SMIM14: variants seen among roughly 807,000 people sequenced by gnomAD.
SMIM14 encodes the protein small integral membrane protein 14, also known as chromosome 4 open reading frame 34.
A neutral mutation model predicts 12.6 loss-of-function variants in SMIM14; 5 were observed. The observed-to-expected ratio is 0.40, with a 90% confidence interval of 0.21 to 0.83. SMIM14 has a LOEUF of 0.83. SMIM14 is among the 40% of genes least tolerant of loss of function. The pLI is 0.37. For synonymous variants in SMIM14, 30 were observed against 40.1 expected (o/e 0.75, Z 0.95); for missense variants, 86 against 119.1 (o/e 0.72, Z 1.29).
intron 1 of SMIM14, among the ~76,000 whole-genome samples, chr4:39,618,319 T>C (rs1560306300): frequency 6.6e-6 from 1 of 152,068 alleles, no homozygotes; most frequent in Non-Finnish European, 1.5e-5. Flanking sequence ...GGAAAAACGA[T>C]GAGCAAGATG....
At chr4:39,636,173 CAAA>C (rs749292775) in intron 1 of SMIM14, among the ~76,000 whole-genome samples, 18,307 of 75,732 alleles carry the variant, frequency 0.24, 2,014 homozygotes, top group East Asian at 0.39. Flanking sequence ...CTCCATCTCC[CAAA>C]AAAAAAAAAA....
intron 2 of SMIM14, among the ~76,000 whole-genome samples, chr4:39,591,008 A>G (rs751715520): frequency 6.6e-6 from 1 of 152,060 alleles, no homozygotes; most frequent in Non-Finnish European, 1.5e-5. Context: ...TGGTATCTGC[A>G]GGGGCTTGGT....
chr4:39,603,846 A>G (rs546034110), intron 2 of SMIM14, among the ~76,000 whole-genome samples: 2 of 151,814 alleles, frequency 1.3e-5, no homozygotes, highest in African/African-American at 4.8e-5. Context: ...CCCCGTCTCT[A>G]CTAAAAATAC....
intron 2 of SMIM14, among the ~76,000 whole-genome samples, chr4:39,603,531 C>T (rs1714693515): frequency 6.6e-6 from 1 of 152,036 alleles, no homozygotes; most frequent in South Asian, 2.1e-4. Context: ...TGCACTCCAG[C>T]CTGGGTGACA....
intron 2 of SMIM14, among the ~76,000 whole-genome samples, chr4:39,573,735 C>A (rs1373368964): frequency 6.6e-6 from 1 of 151,982 alleles, no homozygotes; most frequent in Non-Finnish European, 1.5e-5. Context: ...GTAGAAAATG[C>A]ATCTTTGAAA....
intron 1 of SMIM14, among the ~76,000 whole-genome samples, chr4:39,618,306 A>G (rs1389234013): frequency 2.0e-5 from 3 of 152,188 alleles, no homozygotes; most frequent in Non-Finnish European, 4.4e-5. Context: ...TGTAACAGGC[A>G]TGGGAAAAAC....
At chr4:39,574,240 T>C (rs976483460) in intron 2 of SMIM14, among the ~76,000 whole-genome samples, 8 of 142,652 alleles carry the variant, frequency 5.6e-5, no homozygotes, top group Admixed American at 3.4e-4. Flanking sequence ...CAACTTTCTT[T>C]TTTTTTTTTT....
At chr4:39,619,742 AAATAT>A (rs1227743266) in intron 1 of SMIM14, among the ~76,000 whole-genome samples, 5 of 96,786 alleles carry the variant, frequency 5.2e-5, no homozygotes, top group Non-Finnish European at 1.1e-4. Context: ...ATATATCAAT[AAATAT>A]AATTTATTAT....
At chr4:39,606,416 G>C (rs1018233536) in intron 1 of SMIM14, among the ~76,000 whole-genome samples, 1 of 152,014 alleles carries the variant, frequency 6.6e-6, no homozygotes, top group Non-Finnish European at 1.5e-5. Context: ...GCCGAGGTGG[G>C]TGGATCACAA....
At chr4:39,579,843 C>CAA (rs528601041) in intron 2 of SMIM14, among the ~76,000 whole-genome samples, 88,955 of 123,390 alleles carry the variant, frequency 0.72, 31,401 homozygotes, top group Middle Eastern at 0.84. Context: ...GACTCCGTCT[C>CAA]AAAAAAAAAA....
chr4:39,576,958 G>A (rs1243146965), intron 2 of SMIM14, among the ~76,000 whole-genome samples: 2 of 151,152 alleles, frequency 1.3e-5, no homozygotes, highest in Admixed American at 6.6e-5. Context: ...TGATCTGCCC[G>A]CCTCGGCCTC....
chr4:39,583,979 A>G (rs2110026509), intron 2 of SMIM14: 1 of 152,242 alleles, frequency 6.6e-6, no homozygotes, highest in South Asian at 2.1e-4. Context: ...ACAAGTATGC[A>G]CACTGTAAGT....
At chr4:39,601,841 G>A (rs1169714923) in intron 2 of SMIM14, among the ~76,000 whole-genome samples, 3 of 151,776 alleles carry the variant, frequency 2.0e-5, no homozygotes, top group Non-Finnish European at 4.4e-5. Context: ...TAGCTACCTG[G>A]GAGGCTAAAG....
At chr4:39,623,300 T>C (rs1347942417) in intron 1 of SMIM14, among the ~76,000 whole-genome samples, 4 of 152,152 alleles carry the variant, frequency 2.6e-5, no homozygotes, top group Non-Finnish European at 2.9e-5. Flanking sequence ...TACCTTTTAG[T>C]GCTAAAAATT....
rs1283438345 is a variant in SMIM14 at position 39,546,697 on chromosome 4, TGAC to T, written c.*5426_*5428del. ...ATTCAGATATCCGTTGACATGTACA[TGAC>T]AATCTTTAGATTAAATCATAAAAAG... On this transcript the variant is annotated 3_prime_UTR_variant, in exon 5 of 5. Coordinates refer to ENST00000295958, the MANE Select transcript of SMIM14 (RefSeq NM_174921.3). 6.6e-6 allele frequency: 1 copy of T among 152,274 alleles called. No individual in the cohort carries two copies. Among genetic ancestry groups the T allele is most frequent in the Non-Finnish European group, 1.5e-5 (1 of 68,048 alleles). The allele number at this position is 152,274 out of a possible 1,614,324, so 9.4% of individuals were successfully genotyped here.
intron 2 of SMIM14, among the ~76,000 whole-genome samples, chr4:39,581,789 C>T (rs1288616075): frequency 1.3e-5 from 2 of 152,002 alleles, no homozygotes; most frequent in African/African-American, 4.8e-5. Context: ...TCTTGAACTC[C>T]TGAGCTCAAG....
At chr4:39,631,463 C>G (rs2109257725) in intron 1 of SMIM14, among the ~76,000 whole-genome samples, 1 of 151,496 alleles carries the variant, frequency 6.6e-6, no homozygotes, top group South Asian at 2.1e-4. Context: ...TCGAGACCAT[C>G]CTGGCTAACA....
At chr4:39,595,143 CG>C (rs1028374700) in intron 2 of SMIM14, among the ~76,000 whole-genome samples, 4 of 142,698 alleles carry the variant, frequency 2.8e-5, no homozygotes, top group Middle Eastern at 3.5e-3. Context: ...AGTAAAGACT[CG>C]GAACCAACCC....
chr4:39,631,705 G>T (rs1715907788), intron 1 of SMIM14, among the ~76,000 whole-genome samples: 1 of 151,904 alleles, frequency 6.6e-6, no homozygotes, highest in African/African-American at 2.4e-5. Flanking sequence ...GATGATAGCA[G>T]CCAGAACACT....
Sources: gnomAD v4.1 joint callset for allele counts (sites outside exome capture counted in the v4.1 genomes callset) on GRCh38, gnomAD v4.1.1 for gene constraint, MANE v1.5 for transcripts, NCBI Gene and HGNC (gene_info 2026-07-23, HGNC 2026-07-21) for gene names.